EVC2: variants seen among roughly 807,000 people sequenced by gnomAD.
The protein encoded by EVC2 is EvC ciliary complex subunit 2.
In EVC2, 148 loss-of-function variants were observed where a neutral mutation model predicts 149.3. That is an observed-to-expected ratio of 0.99 (90% CI 0.87 to 1.14). The LOEUF is 1.14. Among genes scored for constraint, EVC2 ranks in the 50% most tolerant of loss-of-function variants. The probability of loss-of-function intolerance (pLI) is 0.00; values close to 1 mark genes in which losing one functional copy is unlikely to be tolerated. For synonymous variants in EVC2, 776 were observed against 649.9 expected (o/e 1.19, Z -2.95); for missense variants, 1,854 against 1,627.3 (o/e 1.14, Z -2.40).
At chr4:5,533,256 G>A in the EVC2 span, among the ~76,000 whole-genome samples, 1 of 152,120 alleles carries the variant, frequency 6.6e-6, no homozygotes, top group Admixed American at 6.5e-5. Context: ...TCGCTGAGAT[G>A]GTAATGCTTG....
rs778954685 is a variant in EVC2, at chr4:5,576,344, C to T, written c.3168G>A (p.Gly1056=). 2.5e-6 allele frequency: 4 copies of T among 1,614,200 alleles called. No individual in the cohort carries two copies. Among genetic ancestry groups the T allele is most frequent in the Non-Finnish European group, 3.4e-6 (4 of 1,180,040 alleles). Residue 1056 remains glycine, a synonymous_variant, in exon 18 of 22, where the codon GGG becomes GGA. Transcript: ENST00000344408. The surrounding 1 kb of genome is among the most constrained non-coding windows in gnomAD (Gnocchi z 4.5). ...CCACCTCCCCAGGTTCGTTCAGAAT[C>T]CCGGGCCCATCGGCCACCCACTGCT... The part of the protein sequence containing the change: ...SWQQWVADGP[G]ILNEPGEVDS...
At chr4:5,558,082 G>A (rs998879505), downstream of EVC2, among the ~76,000 whole-genome samples, 3 of 152,094 alleles carry the variant, frequency 2.0e-5, no homozygotes, top group Admixed American at 2.0e-4. Flanking sequence ...AAGTTTATAT[G>A]GAATGCCAAA....
At chr4:5,695,958 G>A (rs763400822) in intron 2 of EVC2, among the ~76,000 whole-genome samples, 2 of 152,096 alleles carry the variant, frequency 1.3e-5, no homozygotes, top group Non-Finnish European at 2.9e-5. Context: ...GGTTGTATTT[G>A]GGGGTGATTC....
intron 9 of EVC2, among the ~76,000 whole-genome samples, chr4:5,656,068 T>C (rs1211618487): frequency 6.6e-6 from 1 of 152,150 alleles, no homozygotes; most frequent in African/African-American, 2.4e-5. Context: ...ACTCAGACCT[T>C]AGGCTCTTCC....
chr4:5,573,172 T>A (rs1220266779), intron 19 of EVC2, among the ~76,000 whole-genome samples: 2 of 152,092 alleles, frequency 1.3e-5, no homozygotes, highest in East Asian at 3.9e-4. Context: ...AGAATAATGA[T>A]CCCTCCCCAA....
intron 9 of EVC2, among the ~76,000 whole-genome samples, chr4:5,643,600 A>G (rs1339395054): frequency 6.6e-6 from 1 of 152,162 alleles, no homozygotes; most frequent in African/African-American, 2.4e-5. Flanking sequence ...GAGTGCGACT[A>G]CCTACACTGT....
chr4:5,662,616 T>TTAGATTAATTATATTAAAATATAA (rs1306942442), intron 9 of EVC2, among the ~76,000 whole-genome samples: 1 of 144,938 alleles, frequency 6.9e-6, no homozygotes, highest in Non-Finnish European at 1.5e-5. Flanking sequence ...TTAAATATAT[T>TTAGATTAATTATATTAAAATATAA]TAGATTAATT....
chr4:5,672,337 G>T (rs934046534), intron 7 of EVC2, among the ~76,000 whole-genome samples: 1 of 152,240 alleles, frequency 6.6e-6, no homozygotes, highest in Non-Finnish European at 1.5e-5. Context: ...GGGATTTGCT[G>T]TGTCATCCTA....
intron 16 of EVC2, among the ~76,000 whole-genome samples, chr4:5,601,406 G>T (rs1713969591): frequency 6.6e-6 from 1 of 151,706 alleles, no homozygotes; most frequent in Non-Finnish European, 1.5e-5. Context: ...AGATGCTCTT[G>T]AAGAATTAGA....
At chr4:5,547,538 A>G (rs1721645865) in intron 21 of EVC2, among the ~76,000 whole-genome samples, 1 of 152,124 alleles carries the variant, frequency 6.6e-6, no homozygotes, top group African/African-American at 2.4e-5. Context: ...CCATGGACCA[A>G]CTGGCATACA....
chr4:5,586,827 G>A (rs1411016774), intron 16 of EVC2, among the ~76,000 whole-genome samples: 2 of 151,440 alleles, frequency 1.3e-5, no homozygotes, highest in Non-Finnish European at 2.9e-5. Context: ...CATGCCTCCC[G>A]AAAATGTATA....
intron 17 of EVC2, among the ~76,000 whole-genome samples, chr4:5,581,789 G>C (rs1231112229): frequency 6.6e-6 from 1 of 152,230 alleles, no homozygotes; most frequent in Non-Finnish European, 1.5e-5. Context: ...GCCTAGGAGG[G>C]AAGAATGGTT....
rs570345160 is a variant in EVC2, at chr4:5,708,300, C to G, written c.214G>C (p.Glu72Gln). 4 of 1,471,254 alleles carry G rather than the reference C, an allele frequency of 2.7e-6. No homozygotes were observed. The Admixed American group carries it at 9.4e-5, about 34-fold the overall frequency. The allele number at this position is 1,471,254 out of a possible 1,614,324, so 91.1% of individuals were successfully genotyped here. A position where few individuals can be genotyped will look rare whatever the true frequency, so the allele number is the denominator to read the frequency against. ...IPPGRSGAGP[E>Q]SSTQDLPCMI... ...GCCCTCCTTACCTGCGTGCTGCTCT[C>G]GGGCCCCGCCCCGCTCCGCCCCGGA... Residue 72 changes from glutamate (E) to glutamine (Q), a missense_variant, in exon 1 of 22, where the codon GAG becomes CAG. Physicochemically the swap from Glu to Gln is conservative, Grantham distance 29 (BLOSUM62 2). Transcript: ENST00000344408.
At position 5,618,399 on chromosome 4, in the gene EVC2, G is replaced by T; in HGVS notation, c.2706+79C>A. On this transcript the variant is annotated intron_variant, in intron 15 of 21. Transcript: ENST00000344408. This position sits in a 1 kb window ranked among gnomAD's most constrained non-coding sequence, Gnocchi z 4.4. ...TGAGGTGAGATGGGCTCAGGCTGGG[G>T]AAGAGGCCAGACCCTGTAGGGCCAG... 6.5e-7 allele frequency: 1 copy of T among 1,541,240 alleles called. No homozygotes were observed. The highest frequency in any genetic ancestry group is 8.9e-7 in the Non-Finnish European group (1 of 1,119,096).
At chr4:5,621,346 G>C (rs1051820899) in intron 14 of EVC2, among the ~76,000 whole-genome samples, 1 of 152,196 alleles carries the variant, frequency 6.6e-6, no homozygotes, top group Non-Finnish European at 1.5e-5. Flanking sequence ...CTACTTGATA[G>C]TGCCATGTAC....
rs73198165 is a variant in EVC2 at position 5,625,766 on chromosome 4, G to A, written c.2029C>T (p.Arg677Ter). 1.2e-5 allele frequency: 20 copies of A among 1,613,942 alleles called. No homozygotes were observed. In the Admixed American group the frequency reaches 1.3e-4, roughly 11 times the overall value. ...TTATATACCTTTTGTAGCAACTCTC[G>A]TCTTCTCTTAGTTATTAATTTTTGG... ...LHQKLITKRR[R>*]ELLQKHREQR... Residue 677 changes from arginine (R) to a stop codon, truncating the protein, a stop_gained, in exon 13 of 22, where the codon CGA becomes TGA. Transcript: ENST00000344408. LOFTEE classifies it high-confidence loss of function. This position sits in a 1 kb window ranked among gnomAD's most constrained non-coding sequence, Gnocchi z 4.0.
chr4:5,672,475 G>A (rs972812233), intron 7 of EVC2, among the ~76,000 whole-genome samples: 2 of 152,156 alleles, frequency 1.3e-5, no homozygotes, highest in African/African-American at 2.4e-5. Context: ...GATGCCAAGG[G>A]AGAAATAGGG....
At chr4:5,693,153 C>T (rs1356406592) in intron 3 of EVC2, among the ~76,000 whole-genome samples, 1 of 152,112 alleles carries the variant, frequency 6.6e-6, no homozygotes, top group Non-Finnish European at 1.5e-5. Context: ...GCAGAAGGGA[C>T]GACTGAGTAT....
chr4:5,541,766 T>G (rs1031886656), downstream of EVC2, among the ~76,000 whole-genome samples: 7 of 152,114 alleles, frequency 4.6e-5, no homozygotes, highest in Admixed American at 4.6e-4. Context: ...AAATAGATGA[T>G]TAGGAATTCA....
Sources: gnomAD v4.1 joint callset for allele counts (sites outside exome capture counted in the v4.1 genomes callset) on GRCh38, gnomAD v4.1.1 for gene constraint, Gnocchi (gnomAD v3.1) non-coding constraint, MANE v1.5 for transcripts, NCBI Gene and HGNC (gene_info 2026-07-23, HGNC 2026-07-21) for gene names.